Variants in CREBBP observed in about 807,000 individuals in gnomAD.
CREBBP encodes the protein CREB-binding protein.
In CREBBP, 19 loss-of-function variants were observed where a neutral mutation model predicts 265.0. That is an observed-to-expected ratio of 0.07 (90% CI 0.05 to 0.11). CREBBP has a LOEUF of 0.11. Among genes scored for constraint, CREBBP ranks in the 10% least tolerant of loss-of-function variants. CREBBP has a pLI of 1.00. For missense variants in CREBBP, 2,525 were observed against 3,219.0 expected, an observed-to-expected ratio of 0.78 and a Z score of 5.22; for synonymous variants, 1,457 against 1,223.7, an observed-to-expected ratio of 1.19 and a Z score of -3.98.
At chr16:3,851,089 C>T (rs1386990741) in intron 1 of CREBBP, 80 bp from the exon 2 acceptor site, 6 of 1,196,670 alleles carry the variant, frequency 5.0e-6, no homozygotes, top group African/African-American at 4.5e-5. Context: ...ATGATCTTAA[C>T]CTAATGGGGC....
intron 26 of CREBBP, 41 bp from the exon 27 acceptor site, chr16:3,736,856 G>T: frequency 6.2e-7 from 1 of 1,612,660 alleles, no homozygotes. Flanking sequence ...ACGTGCCAGT[G>T]AAATCGGCCC....
chr16:3,791,911 C>A, intron 5 of CREBBP, 70 bp downstream of exon 5: 1 of 1,339,828 alleles, frequency 7.5e-7, no homozygotes, highest in Non-Finnish European at 1.1e-6. Flanking sequence ...TCCCTACCTA[C>A]TCTCTGAATT....
At chr16:3,877,992 G>T (rs939558088) in intron 1 of CREBBP, among the ~76,000 whole-genome samples, 5 of 152,202 alleles carry the variant, frequency 3.3e-5, no homozygotes, top group African/African-American at 1.2e-4. Flanking sequence ...ATCCAATAAT[G>T]GACACTACTA....
chr16:3,758,034 G>C lies in CREBBP; in HGVS notation c.3384C>G (p.Ile1128Met), dbSNP rs759136399. 1.2e-6 allele frequency: 2 copies of C among 1,609,954 alleles called. No homozygotes were observed. Among genetic ancestry groups the C allele is most frequent in the Non-Finnish European group, 1.7e-6 (2 of 1,179,744 alleles). ...QLLGIPDYFD[I>M]VKNPMDLSTI... Reference sequence around the variant, plus strand: ...TGGAGAGGTCCATGGGATTCTTTACGATGTCAAAATAGTCCTTAAAAAAAA... The same window carrying C: ...TGGAGAGGTCCATGGGATTCTTTACCATGTCAAAATAGTCCTTAAAAAAAA... Residue 1128 changes from isoleucine (I) to methionine (M), a missense_variant, in exon 18 of 31, where the codon ATC (isoleucine) becomes ATG (methionine). By Grantham distance (10) the Ile-to-Met change is conservative. This residue lies in a region of CREBBP where 252 missense variants were observed against 452.5 expected (regional missense o/e 0.56). Transcript: ENST00000262367.
At chr16:3,843,027 T>C (rs1324607667) in intron 2 of CREBBP, among the ~76,000 whole-genome samples, 1 of 128,760 alleles carries the variant, frequency 7.8e-6, no homozygotes, top group Non-Finnish European at 1.7e-5. Flanking sequence ...ATCACAAACA[T>C]CAAAAATGAC....
At chr16:3,764,364 C>A (rs978501211) in intron 16 of CREBBP, among the ~76,000 whole-genome samples, 1 of 152,114 alleles carries the variant, frequency 6.6e-6, no homozygotes, top group Non-Finnish European at 1.5e-5. Flanking sequence ...ACAGCCTCAA[C>A]CTCCTGGGCT....
chr16:3,813,002 C>T (rs2053967093), intron 2 of CREBBP: 1 of 221,714 alleles, frequency 4.5e-6, no homozygotes, highest in African/African-American at 2.2e-5. Context: ...GGACTTCAAA[C>T]TCCTCGCCTG....
chr16:3,878,972 AGAT>A (rs1248182866), intron 1 of CREBBP, among the ~76,000 whole-genome samples: 5 of 152,346 alleles, frequency 3.3e-5, no homozygotes, highest in Non-Finnish European at 7.3e-5. Context: ...ACAAACAAAA[AGAT>A]GATTTATTCA....
chr16:3,757,190 T>C, intron 19 of CREBBP, 98 bp downstream of exon 19: 7 of 1,126,164 alleles, frequency 6.2e-6, no homozygotes, highest in Non-Finnish European at 9.2e-6. Context: ...TGGGCCACTT[T>C]TTATTGGAAC....
At chr16:3,860,123 T>G (rs1597071019) in intron 1 of CREBBP, among the ~76,000 whole-genome samples, 1 of 152,100 alleles carries the variant, frequency 6.6e-6, no homozygotes, top group Non-Finnish European at 1.5e-5. Context: ...TCGGTGTGTG[T>G]GTGTGGCTGG....
chr16:3,738,817 C>T, intron 25 of CREBBP, 145 bp from the exon 26 acceptor site: 4 of 675,428 alleles, frequency 5.9e-6, no homozygotes, highest in Non-Finnish European at 1.1e-5. Context: ...GCGGTCACAG[C>T]TCACTGCAAC....
At position 3,858,460 on chromosome 16, in the gene CREBBP, T is replaced by A. The variant is rs1055953590; in HGVS notation, c.86-7451A>T. ...CTCTTTTATGCTCCTACAGACACAATGCGTTAAAATTATGCTAACAATTTC... is the reference window on the plus strand; with the variant it reads ...CTCTTTTATGCTCCTACAGACACAAAGCGTTAAAATTATGCTAACAATTTC... On this transcript the variant is annotated intron_variant, in intron 1 of 30. Transcript: ENST00000262367. 5.9e-5 allele frequency among the ~76,000 whole-genome samples: 9 copies of A among 152,294 alleles called. No homozygotes were observed. The South Asian group carries it at 1.9e-3, about 32-fold the overall frequency.
intron 16 of CREBBP, among the ~76,000 whole-genome samples, chr16:3,763,903 G>A (rs1265719536): frequency 1.4e-5 from 2 of 144,728 alleles, no homozygotes; most frequent in Non-Finnish European, 3.0e-5. Flanking sequence ...GGAGTGCAGT[G>A]GCATAATCTC....
intron 2 of CREBBP, among the ~76,000 whole-genome samples, chr16:3,821,755 C>T (rs948995242): frequency 2.0e-5 from 3 of 152,160 alleles, no homozygotes; most frequent in Non-Finnish European, 2.9e-5. Context: ...CTTGGCTGGG[C>T]GTGGTGGCTC....
intron 20 of CREBBP, 148 bp from the exon 21 acceptor site, chr16:3,749,831 G>T (rs969346529): frequency 3.3e-6 from 2 of 604,728 alleles, no homozygotes; most frequent in Admixed American, 5.7e-5. Flanking sequence ...ATGTAATAAC[G>T]GAATGAACAG....
At chr16:3,834,921 G>T (rs962489026) in intron 2 of CREBBP, among the ~76,000 whole-genome samples, 16 of 152,178 alleles carry the variant, frequency 1.1e-4, no homozygotes, top group African/African-American at 3.9e-4. Flanking sequence ...CACTTTGGGA[G>T]GCCGAGGCGG....
intron 1 of CREBBP, among the ~76,000 whole-genome samples, chr16:3,876,506 T>C (rs1015449939): frequency 1.3e-5 from 2 of 151,776 alleles, no homozygotes. Context: ...ATCTCTGATG[T>C]TGAAAGACAC....
At chr16:3,806,240 C>T (rs749036382) in intron 3 of CREBBP, among the ~76,000 whole-genome samples, 3 of 152,084 alleles carry the variant, frequency 2.0e-5, no homozygotes, top group African/African-American at 2.4e-5. Flanking sequence ...CTCCCATCCT[C>T]CCGTCTACAC....
At chr16:3,807,114 T>C (rs890723777) in intron 3 of CREBBP, among the ~76,000 whole-genome samples, 10 of 152,210 alleles carry the variant, frequency 6.6e-5, no homozygotes, top group African/African-American at 2.4e-4. Context: ...CCCAGTTGCC[T>C]TCTGGGGAGC....
Sources: allele counts gnomAD v4.1 joint callset (sites outside exome capture counted in the v4.1 genomes callset), GRCh38; gene constraint gnomAD v4.1.1; regional missense constraint gnomAD v4.1.1; transcripts MANE v1.5; gene names NCBI Gene and HGNC (gene_info 2026-07-23, HGNC 2026-07-21).